Variants in ERBB4 observed in about 807,000 individuals in gnomAD.
The protein encoded by ERBB4 is receptor tyrosine-protein kinase erbB-4.
ERBB4 carries 42 observed loss-of-function variants against 158.0 expected under a neutral mutation model. The ratio of observed to expected loss-of-function variants is 0.27; its 90% CI spans 0.21 to 0.34. The LOEUF (loss-of-function observed/expected upper bound fraction) is 0.34, where lower values mean the gene tolerates loss of function less well. Among genes scored for constraint, ERBB4 ranks in the 10% least tolerant of loss-of-function variants. ERBB4 has a pLI of 1.00. For missense variants in ERBB4, 1,333 were observed against 1,624.1 expected (o/e 0.82, Z 3.08); for synonymous variants, 583 against 558.7 (o/e 1.04, Z -0.61).
chr2:212,201,458 C>T (rs561597021), intron 1 of ERBB4, among the ~76,000 whole-genome samples: 1 of 151,968 alleles, frequency 6.6e-6, no homozygotes, highest in Non-Finnish European at 1.5e-5. Flanking sequence ...TAAGGTGGAT[C>T]CTGGGTGGAT....
At chr2:212,321,586 C>A (rs2106266288) in intron 1 of ERBB4, among the ~76,000 whole-genome samples, 1 of 150,528 alleles carries the variant, frequency 6.6e-6, no homozygotes, top group South Asian at 2.1e-4. Context: ...ATACTTCCAA[C>A]TACTGGAAGC....
intron 20 of ERBB4, among the ~76,000 whole-genome samples, chr2:211,457,409 T>C (rs2064410174): frequency 6.6e-6 from 1 of 152,214 alleles, no homozygotes; most frequent in African/African-American, 2.4e-5. Context: ...TATGTGTTAG[T>C]CATTGTAGTG....
At chr2:211,482,127 G>T (rs916312905) in intron 20 of ERBB4, among the ~76,000 whole-genome samples, 6 of 152,158 alleles carry the variant, frequency 3.9e-5, no homozygotes, top group Non-Finnish European at 8.8e-5. Flanking sequence ...ATAGAATAGG[G>T]AACTGTATAA....
At position 211,614,703 on chromosome 2, in the gene ERBB4, T is replaced by C. The variant is rs552182633; in HGVS notation, c.2301+4474A>G. ...TTCAAATAATTTTATAAGCCTGTTA[T>C]ACTCTAAGAGAAAATGTAAACTGAT... On this transcript the variant is annotated intron_variant, in intron 19 of 27. Transcript: ENST00000342788. Among the ~76,000 whole-genome samples the C allele has an allele frequency of 2.1e-3, 325 of 152,202 alleles. 2 individuals are homozygous for C. Among genetic ancestry groups the C allele is most frequent in the African/African-American group, 7.5e-3 (313 of 41,564 alleles).
rs1338938945 is a variant in ERBB4, at chr2:211,785,543, T to C, written c.556+2482A>G. Among the ~76,000 whole-genome samples the C allele has an allele frequency of 2.0e-5, 3 of 152,316 alleles. No individual in the cohort carries two copies. The East Asian group carries it at 5.8e-4, about 29-fold the overall frequency. On this transcript the variant is annotated intron_variant, in intron 4 of 27. Coordinates refer to ENST00000342788, the MANE Select transcript of ERBB4 (RefSeq NM_005235.3). Reference sequence around the variant, plus strand: ...CCTATATTTTCTGCCAAGACTTTTATAGTTTTAAGTCTTATGCTTAGGTCT... The same window carrying C: ...CCTATATTTTCTGCCAAGACTTTTACAGTTTTAAGTCTTATGCTTAGGTCT...
At chr2:212,178,630 T>C (rs1247672451) in intron 1 of ERBB4, among the ~76,000 whole-genome samples, 1 of 151,718 alleles carries the variant, frequency 6.6e-6, no homozygotes, top group Admixed American at 6.6e-5. Flanking sequence ...ATCATGAAAT[T>C]CATTTTAAAG....
intron 3 of ERBB4, among the ~76,000 whole-genome samples, chr2:211,849,618 T>C (rs2077669538): frequency 6.6e-6 from 1 of 151,978 alleles, no homozygotes; most frequent in African/African-American, 2.4e-5. Flanking sequence ...TTCTTACTAT[T>C]GTTTGAAGAT....
rs189339199 is a variant in ERBB4 at position 211,412,373 on chromosome 2, T to C, written c.3135+8068A>G. On this transcript the variant is annotated intron_variant, in intron 25 of 27. Transcript: ENST00000342788. The stretch of plus-strand genomic sequence containing the variant: ...CCTTTCTTCTGATCCATTTCAGATC[T>C]GCTCATCTGCTCCACCAAAATGATT... 6.2e-4 allele frequency among the ~76,000 whole-genome samples: 95 copies of C among 152,330 alleles called. 3 individuals are homozygous for C. The East Asian group carries it at 0.017, about 28-fold the overall frequency.
At chr2:211,388,034 C>CA in intron 25 of ERBB4, 42 bp from the exon 26 acceptor site, 1 of 1,331,954 alleles carries the variant, frequency 7.5e-7, no homozygotes, top group Non-Finnish European at 1.1e-6. Flanking sequence ...TAATAAGAGG[C>CA]AATATGAATG....
intron 2 of ERBB4, among the ~76,000 whole-genome samples, 170 bp from the exon 3 acceptor site, chr2:211,947,786 G>A (rs915128647): frequency 1.3e-5 from 2 of 152,120 alleles, no homozygotes; most frequent in Non-Finnish European, 2.9e-5. Context: ...AGATCACAAA[G>A]GGTTAGAATC....
chr2:211,471,939 GA>G (rs2064836933), intron 20 of ERBB4, among the ~76,000 whole-genome samples: 2 of 152,070 alleles, frequency 1.3e-5, no homozygotes, highest in African/African-American at 4.8e-5. Flanking sequence ...GCCAGGAATT[GA>G]AGACCAGCCT....
chr2:212,479,287 C>T (rs768642692), intron 1 of ERBB4, among the ~76,000 whole-genome samples: 14 of 152,012 alleles, frequency 9.2e-5, no homozygotes, highest in Non-Finnish European at 1.6e-4. Context: ...CCTTATAGAT[C>T]TCTTAGAGCT....
chr2:211,782,596 T>C (rs2076063078), intron 4 of ERBB4, among the ~76,000 whole-genome samples: 1 of 152,154 alleles, frequency 6.6e-6, no homozygotes, highest in African/African-American at 2.4e-5. Context: ...AATAGGAATA[T>C]ACAAGAACAT....
chr2:212,268,227 C>A (rs2085219861), intron 1 of ERBB4, among the ~76,000 whole-genome samples: 1 of 151,788 alleles, frequency 6.6e-6, no homozygotes, highest in African/African-American at 2.4e-5. Context: ...CTGAAATTTT[C>A]AAGAATAGAA....
At chr2:211,860,553 C>T (rs1390885353) in intron 3 of ERBB4, among the ~76,000 whole-genome samples, 1 of 152,048 alleles carries the variant, frequency 6.6e-6, no homozygotes. Context: ...TTACCTAGGC[C>T]TCTTAGCTTG....
At chr2:211,713,770 A>G in intron 7 of ERBB4, 122 bp from the exon 8 acceptor site, 1 of 663,706 alleles carries the variant, frequency 1.5e-6, no homozygotes, top group Non-Finnish European at 2.7e-6. Flanking sequence ...TATGTATCTT[A>G]CCCTTAAACA....
At chr2:211,563,084 T>A (rs1190443638) in intron 19 of ERBB4, among the ~76,000 whole-genome samples, 2 of 152,236 alleles carry the variant, frequency 1.3e-5, no homozygotes, top group East Asian at 3.9e-4. Flanking sequence ...AGTTATAATT[T>A]TGCATCAGAA....
intron 5 of ERBB4, among the ~76,000 whole-genome samples, chr2:211,727,144 C>G (rs1486430778): frequency 1.3e-5 from 2 of 152,126 alleles, no homozygotes; most frequent in African/African-American, 4.8e-5. Flanking sequence ...GATCTAGGCT[C>G]AAATCCAAAA....
At chr2:211,504,383 A>G (rs906963234) in intron 20 of ERBB4, among the ~76,000 whole-genome samples, 3 of 152,020 alleles carry the variant, frequency 2.0e-5, no homozygotes, top group Non-Finnish European at 4.4e-5. Flanking sequence ...CTCTAATAGT[A>G]CATAGAAGCA....
Sources: gnomAD v4.1 joint callset for allele counts (sites outside exome capture counted in the v4.1 genomes callset) on GRCh38, gnomAD v4.1.1 for gene constraint, MANE v1.5 for transcripts, NCBI Gene and HGNC (gene_info 2026-07-23, HGNC 2026-07-21) for gene names.